The following PCF11 variants were observed in gnomAD, a reference collection of about 807,000 sequenced individuals.
PCF11 encodes pre-mRNA cleavage complex 2 protein Pcf11.
PCF11 carries 19 observed loss-of-function variants against 166.1 expected under a neutral mutation model. That is an observed-to-expected ratio of 0.11 (90% confidence interval 0.08 to 0.17). PCF11 has a LOEUF of 0.17. PCF11 is among the 10% of genes least tolerant of loss of function. PCF11 has a pLI of 1.00. For missense variants in PCF11, 1,565 were observed against 1,855.5 expected (o/e 0.84, Z 2.88); for synonymous variants, 663 against 644.1 (o/e 1.03, Z -0.44).
chr11:83,183,337 A>T (rs1375052894), intron 15 of PCF11, among the ~76,000 whole-genome samples: 1 of 152,160 alleles, frequency 6.6e-6, no homozygotes, highest in East Asian at 1.9e-4. Flanking sequence ...CACTTGAATC[A>T]TGGTATCTTT....
In PCF11 at chr11:83,174,551, A is replaced by AT. The variant is rs570113907; in HGVS notation, c.3758-2522dup. ...GCTTTATAATATAGAAAGGCTATTGATTTTTTTTTTTTGGTTTAACAAAAA... is the reference window on the plus strand; with the variant it reads ...GCTTTATAATATAGAAAGGCTATTGATTTTTTTTTTTTTGGTTTAACAAAAA... On this transcript the variant is annotated intron_variant, in intron 9 of 15. Coordinates refer to ENST00000298281, the Ensembl canonical transcript of PCF11. Among the ~76,000 whole-genome samples, 1,026 of 146,642 alleles carry AT rather than the reference A, an allele frequency of 7.0e-3. 5 individuals are homozygous for AT. The highest frequency in any genetic ancestry group is 0.02 in the African/African-American group (787 of 40,224).
chr11:83,170,101 A>C (rs370671505), intron 8 of PCF11, 106 bp downstream of exon 8: 1 of 961,048 alleles, frequency 1.0e-6, no homozygotes, highest in Admixed American at 3.2e-5. Context: ...ATTGGAAAGA[A>C]GTTTTTAATG....
chr11:83,173,844 G>GA (rs1860783845), intron 9 of PCF11, among the ~76,000 whole-genome samples: 2 of 148,864 alleles, frequency 1.3e-5, no homozygotes, highest in African/African-American at 5.0e-5. Flanking sequence ...GTTCTCCCGG[G>GA]CTCAGCCTCC....
exon 16 of PCF11, chr11:83,185,892 G>A (rs548230337): frequency 6.5e-6 from 1 of 152,674 alleles, no homozygotes; most frequent in East Asian, 1.9e-4. Flanking sequence ...TACTTGCTAT[G>A]AGCCAGGCAC....
At chr11:83,184,976 T>C (rs774550604) in exon 16 of PCF11, 3 of 826,670 alleles carry the variant, frequency 3.6e-6, no homozygotes, top group Non-Finnish European at 5.6e-6. Context: ...TATGTATATA[T>C]AGACATATCT....
At chr11:83,182,297 T>A in intron 13 of PCF11, 102 bp from the exon 14 acceptor site, 1 of 660,316 alleles carries the variant, frequency 1.5e-6, no homozygotes, top group Non-Finnish European at 2.6e-6. Flanking sequence ...TTTGGAACAC[T>A]CATAAATTCT....
chr11:83,164,882 T>C (rs998677637), intron 4 of PCF11, among the ~76,000 whole-genome samples: 4 of 152,198 alleles, frequency 2.6e-5, no homozygotes, highest in Non-Finnish European at 5.9e-5. Context: ...CTCCAAAAAC[T>C]ACAAAACTAC....
At chr11:83,171,390 C>T (rs756666111) in intron 8 of PCF11, 1 of 414,808 alleles carries the variant, frequency 2.4e-6, no homozygotes, top group South Asian at 1.8e-5. Flanking sequence ...TCCTAACTAG[C>T]CCTTGTGATT....
chr11:83,157,743 A>C, intron 1 of PCF11, 112 bp downstream of exon 1: 25 of 845,050 alleles, frequency 3.0e-5, no homozygotes, highest in East Asian at 1.6e-4. Context: ...CTTCTCTCCA[A>C]CCCCCCCACC....
intron 12 of PCF11, among the ~76,000 whole-genome samples, chr11:83,181,595 G>GT (rs1330347112): frequency 2.8e-5 from 4 of 143,738 alleles, no homozygotes; most frequent in Non-Finnish European, 5.9e-5. Flanking sequence ...CTCTAGGACT[G>GT]TTTTTTGTAA....
At chr11:83,177,947 C>A in intron 11 of PCF11, 128 bp downstream of exon 11, 1 of 301,598 alleles carries the variant, frequency 3.3e-6, no homozygotes, top group Non-Finnish European at 6.0e-6. Context: ...TTTAGGAAGT[C>A]TTTTTTTTTT....
intron 15 of PCF11, among the ~76,000 whole-genome samples, chr11:83,183,694 T>G (rs1861163671): frequency 6.6e-6 from 1 of 151,748 alleles, no homozygotes; most frequent in Non-Finnish European, 1.5e-5. Context: ...TTCACCACAT[T>G]GGTCAGGCTG....
Position 83,167,062 on chromosome 11 carries a change from A to G in PCF11, c.1818-63A>G. 2 of 1,288,570 alleles carry G rather than the reference A, an allele frequency of 1.6e-6. No individual in the cohort carries two copies. The highest frequency in any genetic ancestry group is 2.1e-5 in the Admixed American group (1 of 47,884). 79.8% of individuals were successfully genotyped at this position (1,288,570 alleles called of 1,614,324 possible). A position where few individuals can be genotyped will look rare whatever the true frequency, so the allele number is the denominator to read the frequency against. ...CATATCCTTTGAAAAGAATCTTTAA[A>G]TATGGTCCTGAGTATTTTTTAAAAA... On this transcript the variant is annotated intron_variant, in intron 5 of 15. Transcript: ENST00000298281. This position sits in a 1 kb window ranked among gnomAD's most constrained non-coding sequence, Gnocchi z 4.2.
intron 7 of PCF11, among the ~76,000 whole-genome samples, chr11:83,168,140 CAAT>C (rs1455788264): frequency 6.6e-6 from 1 of 152,098 alleles, no homozygotes; most frequent in Non-Finnish European, 1.5e-5. Context: ...ATCCTCACAA[CAAT>C]ACAATGAAGT....
intron 9 of PCF11, among the ~76,000 whole-genome samples, chr11:83,175,642 T>G (rs1213348655): frequency 6.6e-6 from 1 of 152,170 alleles, no homozygotes; most frequent in Non-Finnish European, 1.5e-5. Flanking sequence ...GTAGTCCAGC[T>G]GCTCTGGAGG....
chr11:83,171,883 A>C (rs548367015), exon 9 of PCF11: 1 of 1,596,298 alleles, frequency 6.3e-7, no homozygotes, highest in Non-Finnish European at 8.6e-7. Context: ...CAGTTCATCC[A>C]CAAAATCCTG....
intron 9 of PCF11, 125 bp downstream of exon 9, chr11:83,172,039 C>A (rs1860708485): frequency 1.6e-6 from 1 of 618,950 alleles, no homozygotes; most frequent in South Asian, 2.0e-5. Flanking sequence ...GAAATTTAAT[C>A]TGGCTGACAT....
intron 11 of PCF11, among the ~76,000 whole-genome samples, chr11:83,179,496 C>T (rs541127068): frequency 6.6e-6 from 1 of 152,150 alleles, no homozygotes; most frequent in Admixed American, 6.5e-5. Flanking sequence ...GTCATCTGCC[C>T]GCCTCGGCCT....
intron 9 of PCF11, among the ~76,000 whole-genome samples, chr11:83,176,203 G>C (rs939935442): frequency 6.6e-6 from 1 of 152,194 alleles, no homozygotes; most frequent in African/African-American, 2.4e-5. Flanking sequence ...TTGCTTGGGA[G>C]AAGGGAGCAT....
Sources: allele counts gnomAD v4.1 joint callset (sites outside exome capture counted in the v4.1 genomes callset), GRCh38; gene constraint gnomAD v4.1.1; non-coding constraint Gnocchi (gnomAD v3.1); transcripts MANE v1.5; gene names NCBI Gene and HGNC (gene_info 2026-07-23, HGNC 2026-07-21).